PCSK5: variants seen among roughly 807,000 people sequenced by gnomAD.
PCSK5 encodes the protein prohormone convertase 5.
Under a neutral mutation model 233.2 loss-of-function variants are expected in PCSK5, and 129 were observed. The observed-to-expected ratio is 0.55, with a 90% CI of 0.48 to 0.64. The LOEUF is 0.64. PCSK5 is among the 30% of genes least tolerant of loss of function. The pLI, the probability that PCSK5 is intolerant of heterozygous loss-of-function variation, is 0.00. For synonymous variants in PCSK5, 825 were observed against 879.2 expected (o/e 0.94, Z 1.09); for missense variants, 2,076 against 2,430.1 (o/e 0.85, Z 3.06).
At chr9:76,151,048 C>A (rs190796640) in intron 10 of PCSK5, among the ~76,000 whole-genome samples, 3 of 150,486 alleles carry the variant, frequency 2.0e-5, no homozygotes, top group Non-Finnish European at 4.4e-5. Flanking sequence ...TTACATTATG[C>A]GTGTGGGACG....
At chr9:76,170,890 C>A (rs920075696) in intron 13 of PCSK5, among the ~76,000 whole-genome samples, 6 of 152,276 alleles carry the variant, frequency 3.9e-5, no homozygotes, top group African/African-American at 1.4e-4. Context: ...CTGAGAGATC[C>A]ATTGTTGACT....
chr9:76,143,786 C>G (rs977707667), intron 10 of PCSK5, among the ~76,000 whole-genome samples: 5 of 151,172 alleles, frequency 3.3e-5, no homozygotes, highest in Non-Finnish European at 5.9e-5. Flanking sequence ...TAATAAACCC[C>G]GGGCAAAGGG....
intron 2 of PCSK5, among the ~76,000 whole-genome samples, chr9:75,945,759 G>A (rs1244202587): frequency 1.3e-5 from 2 of 151,764 alleles, no homozygotes; most frequent in African/African-American, 2.4e-5. Context: ...TCTCTGTCTC[G>A]CTTTCTGTCT....
rs187264308 is a variant in PCSK5, at chr9:76,231,790, G to A, written c.2730-1670G>A. ...TCTCATTCTATGCCATGGTGCAGGG[G>A]ATCTGTTTTGACATGGACAGCCAGA... On this transcript the variant is annotated intron_variant, in intron 21 of 37. Coordinates refer to ENST00000674117, the MANE Select transcript of PCSK5 (RefSeq NM_001372043.1). Among the ~76,000 whole-genome samples, 102 of 152,260 alleles carry A rather than the reference G, an allele frequency of 6.7e-4. 2 individuals are homozygous for A. The highest frequency in any genetic ancestry group is 8.7e-4 in the Non-Finnish European group (59 of 68,016).
intron 5 of PCSK5, among the ~76,000 whole-genome samples, chr9:76,044,265 G>A (rs1563991611): frequency 1.3e-5 from 2 of 152,138 alleles, no homozygotes; most frequent in South Asian, 2.1e-4. Flanking sequence ...AAATGAGTTG[G>A]CATGTATTCA....
chr9:76,059,286 A>C lies in PCSK5; in HGVS notation c.633-8669A>C, dbSNP rs568107107. ...CCTTTGTCAGATAGATAGATGGCAAAAATTTTCTCCCATTCTGTAGGTTGC... is the reference window on the plus strand; with the variant it reads ...CCTTTGTCAGATAGATAGATGGCAACAATTTTCTCCCATTCTGTAGGTTGC... On this transcript the variant is annotated intron_variant, in intron 5 of 37. Transcript: ENST00000674117. Among the ~76,000 whole-genome samples the C allele has an allele frequency of 3.9e-5, 6 of 152,276 alleles. No homozygotes were observed. The South Asian group carries it at 1.2e-3, about 32-fold the overall frequency.
intron 20 of PCSK5, among the ~76,000 whole-genome samples, chr9:76,200,498 G>A (rs1047575819): frequency 2.6e-5 from 4 of 152,178 alleles, no homozygotes; most frequent in East Asian, 3.8e-4. Flanking sequence ...AGCCAGCCCC[G>A]TGAGAGCTGG....
chr9:76,260,660 A>G (rs1324012448), intron 24 of PCSK5, among the ~76,000 whole-genome samples: 1 of 152,174 alleles, frequency 6.6e-6, no homozygotes, highest in Non-Finnish European at 1.5e-5. Context: ...CTGAATGAGG[A>G]AACAGATCCT....
intron 27 of PCSK5, among the ~76,000 whole-genome samples, chr9:76,301,544 T>C (rs998218087): frequency 1.3e-5 from 2 of 152,096 alleles, no homozygotes; most frequent in Non-Finnish European, 2.9e-5. Flanking sequence ...ATGCAAACCA[T>C]TGAAAATGAT....
At chr9:76,018,834 T>C (rs1017941338) in intron 3 of PCSK5, among the ~76,000 whole-genome samples, 7 of 152,232 alleles carry the variant, frequency 4.6e-5, no homozygotes, top group Non-Finnish European at 1.5e-5. Flanking sequence ...TTGAATGTAC[T>C]CATCAAAGTG....
At chr9:76,336,350 A>G (rs1829678459) in intron 34 of PCSK5, among the ~76,000 whole-genome samples, 2 of 152,322 alleles carry the variant, frequency 1.3e-5, no homozygotes, top group Non-Finnish European at 1.5e-5. Context: ...GTGTTGCACC[A>G]GAGAAAACAA....
At chr9:76,185,440 A>C (rs543492589) in intron 17 of PCSK5, among the ~76,000 whole-genome samples, 12 of 152,238 alleles carry the variant, frequency 7.9e-5, no homozygotes, top group African/African-American at 2.9e-4. Flanking sequence ...GCTGCACTGG[A>C]TTTCTTTTAA....
intron 7 of PCSK5, among the ~76,000 whole-genome samples, chr9:76,080,455 G>A (rs545740859): frequency 1.3e-5 from 2 of 152,276 alleles, no homozygotes; most frequent in East Asian, 3.9e-4. Context: ...CACTCAGCAG[G>A]GGTTTAGTGA....
intron 26 of PCSK5, 50 bp downstream of exon 26, chr9:76,295,461 C>G: frequency 2.5e-6 from 4 of 1,582,134 alleles, no homozygotes; most frequent in Non-Finnish European, 3.5e-6. Context: ...CACTGGAGCT[C>G]CACACAGTCG....
chr9:76,064,485 G>C (rs1830193023), intron 5 of PCSK5, among the ~76,000 whole-genome samples: 1 of 148,156 alleles, frequency 6.7e-6, no homozygotes, highest in East Asian at 2.1e-4. Flanking sequence ...CTCCCGGATG[G>C]GGCGGCTGGC....
chr9:76,279,777 A>G (rs1039268974), intron 24 of PCSK5, among the ~76,000 whole-genome samples: 6 of 150,864 alleles, frequency 4.0e-5, no homozygotes, highest in Non-Finnish European at 7.4e-5. Context: ...TTTTTCTTGT[A>G]AATTTGTTTG....
intron 24 of PCSK5, among the ~76,000 whole-genome samples, chr9:76,265,593 T>C (rs1247474527): frequency 1.3e-5 from 2 of 151,834 alleles, no homozygotes; most frequent in Non-Finnish European, 2.9e-5. Flanking sequence ...GGTGGGAGAG[T>C]AGATAAATGT....
At chr9:76,327,920 A>C (rs1829413697) in intron 32 of PCSK5, 89 bp from the exon 33 acceptor site, 1 of 807,212 alleles carries the variant, frequency 1.2e-6, no homozygotes, top group African/African-American at 1.7e-5. Flanking sequence ...TGTGAAAGGA[A>C]TGTGAAGACC....
chr9:76,360,443 C>G lies in PCSK5; in HGVS notation c.*1521C>G, dbSNP rs894590990. The G allele has an allele frequency of 1.3e-5, 2 of 152,186 alleles. No homozygotes were observed. Among genetic ancestry groups the G allele is most frequent in the Admixed American group, 1.3e-4 (2 of 15,274 alleles). The allele number at this position is 152,186 out of a possible 1,614,324, so 9.4% of individuals were successfully genotyped here. A position where few individuals can be genotyped will look rare whatever the true frequency, so the allele number is the denominator to read the frequency against. ...TAAAGCGTGTGTTCTTATAACTATG[C>G]TACTGAAATAAGGTGGGAAAATAAG... On this transcript the variant is annotated 3_prime_UTR_variant, in exon 38 of 38. Transcript: ENST00000674117.
Sources: allele counts gnomAD v4.1 joint callset (sites outside exome capture counted in the v4.1 genomes callset), GRCh38; gene constraint gnomAD v4.1.1; transcripts MANE v1.5; gene names NCBI Gene and HGNC (gene_info 2026-07-23, HGNC 2026-07-21).